Variants in PITRM1 observed in about 807,000 individuals in gnomAD.
PITRM1 encodes the protein pitrilysin metallopeptidase 1.
A neutral mutation model predicts 129.9 loss-of-function variants in PITRM1; 100 were observed. That is an observed-to-expected ratio of 0.77 (90% CI 0.65 to 0.91). The LOEUF is 0.91. Among genes scored for constraint, PITRM1 ranks in the 40% least tolerant of loss-of-function variants. The pLI is 0.00. For synonymous variants in PITRM1, 591 were observed against 508.8 expected (o/e 1.16, Z -2.17); for missense variants, 1,471 against 1,318.3 (o/e 1.12, Z -1.79).
Position 3,155,589 on chromosome 10 carries a change from A to C in PITRM1, c.1621+2T>G, listed in dbSNP as rs1270963036. 6.2e-7 allele frequency: 1 copy of C among 1,613,444 alleles called. No homozygotes were observed. The highest frequency in any genetic ancestry group is 2.2e-5 in the East Asian group (1 of 44,848). On this transcript the variant is annotated splice_donor_variant, in intron 14 of 26. Coordinates refer to ENST00000224949, the MANE Select transcript of PITRM1 (RefSeq NM_014889.4). LOFTEE classifies it high-confidence loss of function. ...TCGCCAGCTCGGAAGGAAGCCTCTGACCTTTCTCGTAGATCTGCTGCCTGT... is the reference window on the plus strand; with the variant it reads ...TCGCCAGCTCGGAAGGAAGCCTCTGCCCTTTCTCGTAGATCTGCTGCCTGT...
chr10:3,143,449 G>A lies in PITRM1; in HGVS notation c.2585C>T (p.Pro862Leu), dbSNP rs200076818. Residue 862 changes from proline to leucine, a missense_variant, in exon 23 of 27, where the codon CCG becomes CTG. Coordinates refer to ENST00000224949, the MANE Select transcript of PITRM1 (RefSeq NM_014889.4). Reference protein sequence around the residue: ...QMKTHFLMPFPVNYVGECIRT... With the variant: ...QMKTHFLMPFLVNYVGECIRT... Reference sequence around the variant, plus strand: ...GATGCATTCACCCACGTAATTCACCGGGAAGGGCATCAGGAAGTGAGTCTT... The same window carrying A: ...GATGCATTCACCCACGTAATTCACCAGGAAGGGCATCAGGAAGTGAGTCTT... 1.4e-4 allele frequency: 226 copies of A among 1,613,846 alleles called. No individual in the cohort carries two copies. The highest frequency in any genetic ancestry group is 1.3e-3 in the South Asian group (119 of 91,086).
rs74729011 is a variant in PITRM1 at position 3,172,662 on chromosome 10, G to C, written c.56+55C>G. 0.012 allele frequency: 18,039 copies of C among 1,495,186 alleles called. 1,061 individuals carry two copies. The East Asian group carries it at 0.16, about 13-fold the overall frequency. The allele number at this position is 1,495,186 out of a possible 1,614,324, so 92.6% of individuals were successfully genotyped here. The stretch of plus-strand genomic sequence containing the variant: ...ACCCCTACGCCTCCGGCCTGCCCTG[G>C]ACCCTCCCCTCCCGGGTACCAGCGC... On this transcript the variant is annotated intron_variant, in intron 1 of 26. Transcript: ENST00000224949.
In PITRM1 at chr10:3,166,379, C is replaced by T. The variant is rs559025200; in HGVS notation, c.268G>A (p.Val90Met). ...TCCATGGGAGTAGTACGGAACTGCA[C>T]GCTAGGGAAGGAGAATGACCAGAAC... Reference protein sequence around the residue: ...AREDTNNLFSVQFRTTPMDST... With the variant: ...AREDTNNLFSMQFRTTPMDST... Residue 90 changes from valine (V) to methionine (M), a missense_variant and splice_region_variant, in exon 4 of 27, where the codon GTG (valine) becomes ATG (methionine). Val to Met is a conservative substitution (Grantham distance 21). Coordinates refer to ENST00000224949, the MANE Select transcript of PITRM1 (RefSeq NM_014889.4). 5.2e-6 allele frequency: 8 copies of T among 1,530,448 alleles called. No individual in the cohort carries two copies. The highest frequency in any genetic ancestry group is 3.4e-5 in the South Asian group (3 of 87,530). 94.8% of individuals were successfully genotyped at this position (1,530,448 alleles called of 1,614,324 possible).
At chr10:3,139,620 G>A (rs1443188111) in intron 24 of PITRM1, among the ~76,000 whole-genome samples, 1 of 152,286 alleles carries the variant, frequency 6.6e-6, no homozygotes, top group Non-Finnish European at 1.5e-5. Flanking sequence ...CATCAGAGTG[G>A]CAATGGCTAC....
chr10:3,167,888 G>C (rs1401248892), intron 2 of PITRM1: 1 of 152,158 alleles, frequency 6.6e-6, no homozygotes, highest in Non-Finnish European at 1.5e-5. Context: ...AACAGCTGGA[G>C]GGGCCGGGAG....
At chr10:3,152,176 G>C (rs929768322) in intron 14 of PITRM1, among the ~76,000 whole-genome samples, 1 of 152,186 alleles carries the variant, frequency 6.6e-6, no homozygotes, top group Non-Finnish European at 1.5e-5. Flanking sequence ...GCATCAATGA[G>C]GGAGGCAGCA....
At chr10:3,151,183 A>T in intron 15 of PITRM1, 64 bp downstream of exon 15, 1 of 860,356 alleles carries the variant, frequency 1.2e-6, no homozygotes, top group Non-Finnish European at 1.9e-6. Flanking sequence ...TGCTTCTGTG[A>T]GGAGTGACAT....
At chr10:3,169,279 G>A (rs1049257248) in intron 2 of PITRM1, among the ~76,000 whole-genome samples, 3 of 152,058 alleles carry the variant, frequency 2.0e-5, no homozygotes, top group African/African-American at 4.8e-5. Flanking sequence ...CTTGTCTGGC[G>A]CACCCTAGTC....
In PITRM1 at chr10:3,147,148, A is replaced by C; in HGVS notation, c.2336+2T>G. ...ATATTTAGAAACAAATCACACATGCACCTCATATTATCACCATTTAACAAG... is the reference window on the plus strand; with the variant it reads ...ATATTTAGAAACAAATCACACATGCCCCTCATATTATCACCATTTAACAAG... On this transcript the variant is annotated splice_donor_variant, in intron 20 of 26. Coordinates refer to ENST00000224949, the MANE Select transcript of PITRM1 (RefSeq NM_014889.4). LOFTEE classifies it high-confidence loss of function. 7.0e-7 allele frequency: 1 copy of C among 1,419,966 alleles called. No homozygotes were observed. Among genetic ancestry groups the C allele is most frequent in the South Asian group, 1.2e-5 (1 of 86,492 alleles). The allele number at this position is 1,419,966 out of a possible 1,614,324, so 88.0% of individuals were successfully genotyped here. A position where few individuals can be genotyped will look rare whatever the true frequency, so the allele number is the denominator to read the frequency against.
At chr10:3,148,975 A>T (rs1324906544) in intron 16 of PITRM1, 1 of 152,300 alleles carries the variant, frequency 6.6e-6, no homozygotes, top group Non-Finnish European at 1.5e-5. Context: ...ACAGCCACAT[A>T]GCTTTCTGCA....
intron 14 of PITRM1, among the ~76,000 whole-genome samples, chr10:3,154,557 A>G (rs7072341): frequency 0.15 from 23,000 of 152,148 alleles, 1,811 homozygotes; most frequent in Non-Finnish European, 0.18. Context: ...TAATTATGAT[A>G]CATTTCCCTA....
chr10:3,169,187 A>C (rs968263141), intron 2 of PITRM1, among the ~76,000 whole-genome samples: 1 of 152,240 alleles, frequency 6.6e-6, no homozygotes, highest in Non-Finnish European at 1.5e-5. Context: ...AGTAACCTGT[A>C]CCATAAACCC....
At chr10:3,160,564 ATTG>A (rs535849345) in intron 7 of PITRM1, among the ~76,000 whole-genome samples, 369 of 152,106 alleles carry the variant, frequency 2.4e-3, no homozygotes, top group African/African-American at 8.0e-3. Context: ...ATTATTAGTT[ATTG>A]TTGTTAACCT....
intron 21 of PITRM1, among the ~76,000 whole-genome samples, chr10:3,144,773 C>G (rs980025645): frequency 6.6e-6 from 1 of 152,054 alleles, no homozygotes; most frequent in African/African-American, 2.4e-5. Context: ...CCACTGCACT[C>G]CAGCCCGAGT....
chr10:3,171,574 G>A (rs2132537030), intron 1 of PITRM1, among the ~76,000 whole-genome samples: 1 of 152,242 alleles, frequency 6.6e-6, no homozygotes, highest in South Asian at 2.1e-4. Context: ...CTGAGTGGCT[G>A]GGACTACAAG....
At position 3,172,769 on chromosome 10, in the gene PITRM1, A is replaced by G; in HGVS notation, c.4T>C (p.Trp2Arg). ...AGGCCCTGCCGCCCGCCGCAGCGCC[A>G]CATTGCGCATGACGAGCACCTGGCT... The part of the protein sequence containing the change: M[W>R]RCGGRQGLCV... The change falls in exon 1 of 27, where the codon TGG (tryptophan) becomes CGG (arginine). Residue 2 changes from tryptophan to arginine, a missense_variant. By Grantham distance (101) the Trp-to-Arg change is moderately radical. Coordinates refer to ENST00000224949, the MANE Select transcript of PITRM1 (RefSeq NM_014889.4). The G allele has an allele frequency of 6.5e-7, 1 of 1,546,596 alleles. No individual in the cohort carries two copies. The highest frequency in any genetic ancestry group is 8.7e-7 in the Non-Finnish European group (1 of 1,145,522).
In PITRM1 at chr10:3,159,843, C is replaced by T; in HGVS notation, c.1007+5G>A. 2 of 1,560,846 alleles carry T rather than the reference C, an allele frequency of 1.3e-6. No individual in the cohort carries two copies. The highest frequency in any genetic ancestry group is 2.7e-5 in the African/African-American group (2 of 74,264). On this transcript the variant is annotated splice_donor_5th_base_variant and intron_variant, in intron 9 of 26. Transcript: ENST00000224949. ...CTTGTATGAGCTTTGACAGCATATA[C>T]TTACTCCGGTAAGAGGAAGCTAACG...
At chr10:3,164,039 AC>A in intron 6 of PITRM1, 154 bp from the exon 7 acceptor site, 1 of 411,238 alleles carries the variant, frequency 2.4e-6, no homozygotes, top group Non-Finnish European at 4.3e-6. Context: ...AAAAAAAAAA[AC>A]ACCCACGCAG....
In PITRM1 at chr10:3,150,084, G is replaced by A. The variant is rs112484916; in HGVS notation, c.1739-331C>T. On this transcript the variant is annotated intron_variant, in intron 15 of 26. Transcript: ENST00000224949. The stretch of plus-strand genomic sequence containing the variant: ...CCCCCGAGACCCCTGGGCCCACATC[G>A]CACCCGTCCTCAGCGCTGCTCATCT... Among the ~76,000 whole-genome samples the A allele has an allele frequency of 5.0e-4, 75 of 150,604 alleles. 3 individuals carry two copies. Among genetic ancestry groups the A allele is most frequent in the African/African-American group, 1.7e-3 (69 of 40,906 alleles).
Sources: gnomAD v4.1 joint callset for allele counts (sites outside exome capture counted in the v4.1 genomes callset) on GRCh38, gnomAD v4.1.1 for gene constraint, MANE v1.5 for transcripts, NCBI Gene and HGNC (gene_info 2026-07-23, HGNC 2026-07-21) for gene names.